Variants in OLA1 observed in about 807,000 individuals in gnomAD.
The protein encoded by OLA1 is Obg like ATPase 1.
Under a neutral mutation model 48.4 loss-of-function variants are expected in OLA1, and 14 were observed. The observed-to-expected ratio is 0.29, with a 90% CI of 0.19 to 0.45. OLA1 has a LOEUF of 0.45. Among genes scored for constraint, OLA1 ranks in the 20% least tolerant of loss-of-function variants. The pLI is 1.00. For synonymous variants in OLA1, 127 were observed against 150.4 expected (o/e 0.84, Z 1.14); for missense variants, 325 against 467.1 (o/e 0.70, Z 2.80).
At chr2:174,129,366 G>A (rs1400666387) in intron 5 of OLA1, among the ~76,000 whole-genome samples, 2 of 151,896 alleles carry the variant, frequency 1.3e-5, no homozygotes, top group Non-Finnish European at 2.9e-5. Flanking sequence ...GCTGAGGCAG[G>A]AGAATGGTGT....
At chr2:174,112,955 T>G (rs1312857268) in intron 7 of OLA1, among the ~76,000 whole-genome samples, 1 of 152,178 alleles carries the variant, frequency 6.6e-6, no homozygotes, top group African/African-American at 2.4e-5. Context: ...TATTACTATT[T>G]TTGAGATGGA....
chr2:174,131,915 C>A (rs1476825793), intron 5 of OLA1, among the ~76,000 whole-genome samples: 1 of 152,048 alleles, frequency 6.6e-6, no homozygotes, highest in African/African-American at 2.4e-5. Context: ...TCTGACCTCA[C>A]ACAAGTTTTT....
chr2:174,110,468 A>G (rs1348112978), intron 7 of OLA1, among the ~76,000 whole-genome samples: 4 of 151,364 alleles, frequency 2.6e-5, no homozygotes, highest in Non-Finnish European at 5.9e-5. Flanking sequence ...TTTTTGAGAC[A>G]GGGTGTCACT....
rs1330483121 is a variant in OLA1 at position 174,072,671 on chromosome 2, CG to C, written c.*2754del. ...CTCTGACTCTCTGAATGAAAGGAGA[CG>C]GGGTTTACAAAGGAGCTTTGGAAAT... On this transcript the variant is annotated 3_prime_UTR_variant, in exon 11 of 11. Coordinates refer to ENST00000284719, the MANE Select transcript of OLA1 (RefSeq NM_013341.5). 2 of 152,050 alleles carry C rather than the reference CG, an allele frequency of 1.3e-5. No homozygotes were observed. Among genetic ancestry groups the C allele is most frequent in the Admixed American group, 6.5e-5 (1 of 15,274 alleles). The allele number at this position is 152,050 out of a possible 1,614,324, so 9.4% of individuals were successfully genotyped here. A position where few individuals can be genotyped will look rare whatever the true frequency, so the allele number is the denominator to read the frequency against.
At chr2:174,085,584 G>A (rs1158809801) in intron 7 of OLA1, among the ~76,000 whole-genome samples, 6 of 152,128 alleles carry the variant, frequency 3.9e-5, no homozygotes, top group African/African-American at 1.4e-4. Context: ...AGATTCTTCG[G>A]CAGAATGAGA....
chr2:174,113,770 C>G (rs895975682), intron 7 of OLA1, among the ~76,000 whole-genome samples: 1 of 152,140 alleles, frequency 6.6e-6, no homozygotes, highest in Non-Finnish European at 1.5e-5. Flanking sequence ...CTTGTACTGT[C>G]GCTTAGCTGT....
At chr2:174,106,040 C>T (rs993048386) in intron 7 of OLA1, among the ~76,000 whole-genome samples, 6 of 151,920 alleles carry the variant, frequency 3.9e-5, no homozygotes, top group African/African-American at 1.2e-4. Flanking sequence ...CTTTATCTTT[C>T]AGCTATTAAA....
At chr2:174,144,596 A>C (rs141672128) in intron 4 of OLA1, among the ~76,000 whole-genome samples, 1,632 of 152,076 alleles carry the variant, frequency 0.011, 16 homozygotes, top group Non-Finnish European at 0.018. Flanking sequence ...TTCATCATAC[A>C]CTTATGTCAT....
intron 3 of OLA1, among the ~76,000 whole-genome samples, chr2:174,227,678 A>G (rs1022376735): frequency 2.0e-5 from 3 of 152,232 alleles, no homozygotes; most frequent in Non-Finnish European, 2.9e-5. Flanking sequence ...CATCAAATCA[A>G]TGTTTGTGAC....
intron 7 of OLA1, among the ~76,000 whole-genome samples, chr2:174,094,061 A>T (rs1348806170): frequency 6.6e-6 from 1 of 152,214 alleles, no homozygotes; most frequent in East Asian, 1.9e-4. Context: ...TGAGGAGAGG[A>T]TGCTGAGACT....
At chr2:174,104,164 A>AC (rs397765214) in intron 7 of OLA1, among the ~76,000 whole-genome samples, 3 of 150,492 alleles carry the variant, frequency 2.0e-5, no homozygotes, top group South Asian at 2.1e-4. Context: ...AAAAAAAAAA[A>AC]CACAACACTA....
At chr2:174,220,040 G>A (rs183339989) in intron 4 of OLA1, among the ~76,000 whole-genome samples, 10 of 152,246 alleles carry the variant, frequency 6.6e-5, no homozygotes, top group African/African-American at 2.4e-4. Context: ...GTTGAGGCAC[G>A]AGAATTGCTA....
chr2:174,227,784 T>C (rs1688647193), intron 3 of OLA1, among the ~76,000 whole-genome samples: 1 of 151,970 alleles, frequency 6.6e-6, no homozygotes, highest in African/African-American at 2.4e-5. Context: ...TAGTAACAAA[T>C]GAAGGAGGAA....
chr2:174,224,913 T>C (rs1688582808), intron 3 of OLA1, among the ~76,000 whole-genome samples: 1 of 152,208 alleles, frequency 6.6e-6, no homozygotes, highest in South Asian at 2.1e-4. Flanking sequence ...GTCACTGTGT[T>C]AAGGGCAACT....
At chr2:174,135,598 T>C (rs754746520) in intron 5 of OLA1, among the ~76,000 whole-genome samples, 2 of 150,400 alleles carry the variant, frequency 1.3e-5, no homozygotes, top group Non-Finnish European at 3.0e-5. Flanking sequence ...GAGGAAGGAG[T>C]CACAGATACA....
chr2:174,235,528 T>C (rs1688828187), intron 2 of OLA1, among the ~76,000 whole-genome samples: 1 of 152,160 alleles, frequency 6.6e-6, no homozygotes, highest in Admixed American at 6.5e-5. Flanking sequence ...CAGGACTGTG[T>C]TCCCTGAGAG....
intron 4 of OLA1, among the ~76,000 whole-genome samples, chr2:174,203,465 CTTT>C (rs71021678): frequency 3.6e-5 from 5 of 140,548 alleles, no homozygotes; most frequent in Admixed American, 7.1e-5. Flanking sequence ...TAGCTAACAT[CTTT>C]TTTTTTTTTT....
At chr2:174,205,182 A>G (rs1467845330) in intron 4 of OLA1, among the ~76,000 whole-genome samples, 9 of 152,220 alleles carry the variant, frequency 5.9e-5, no homozygotes, top group Non-Finnish European at 1.2e-4. Context: ...ACACTGCTTC[A>G]ATTTTTTAAA....
chr2:174,211,571 C>T (rs1688244622), intron 4 of OLA1, among the ~76,000 whole-genome samples: 1 of 152,130 alleles, frequency 6.6e-6, no homozygotes, highest in Non-Finnish European at 1.5e-5. Context: ...AAAAATTCCT[C>T]ATATTTAAAA....
Sources: gnomAD v4.1 joint callset for allele counts (sites outside exome capture counted in the v4.1 genomes callset) on GRCh38, gnomAD v4.1.1 for gene constraint, MANE v1.5 for transcripts, NCBI Gene and HGNC (gene_info 2026-07-23, HGNC 2026-07-21) for gene names.